The following HTR2A variants were observed in gnomAD, a reference collection of about 807,000 sequenced individuals.
HTR2A encodes the protein 5-hydroxytryptamine receptor 2A.
In HTR2A, 14 loss-of-function variants were observed where a neutral mutation model predicts 31.0. That is an observed-to-expected ratio of 0.45 (90% CI 0.30 to 0.71). The LOEUF (loss-of-function observed/expected upper bound fraction) is 0.71, where lower values mean the gene tolerates loss of function less well. Ranked by LOEUF, HTR2A falls within the 30% of genes least tolerant of loss-of-function variation. The pLI, the probability that HTR2A is intolerant of heterozygous loss-of-function variation, is 0.09. For synonymous variants in HTR2A, 209 were observed against 225.2 expected, an observed-to-expected ratio of 0.93 and a Z score of 0.64; for missense variants, 442 against 573.3, an observed-to-expected ratio of 0.77 and a Z score of 2.34.
At position 46,896,663 on chromosome 13, in the gene HTR2A, T is replaced by C; in HGVS notation, c.-329+11A>G. 6.6e-7 allele frequency: 1 copy of C among 1,507,406 alleles called. No individual in the cohort carries two copies. Among genetic ancestry groups the C allele is most frequent in the Non-Finnish European group, 8.9e-7 (1 of 1,128,386 alleles). The allele number at this position is 1,507,406 out of a possible 1,614,324, so 93.4% of individuals were successfully genotyped here. A position where few individuals can be genotyped will look rare whatever the true frequency, so the allele number is the denominator to read the frequency against. On this transcript the variant is annotated intron_variant, in intron 1 of 3. Coordinates refer to ENST00000542664, the MANE Select transcript of HTR2A (RefSeq NM_000621.5). Reference sequence around the variant, plus strand: ...TACACAGCAATAAAATATAGCGGCATGAGAACTTACATTTGTCTTCAGGGT... The same window carrying C: ...TACACAGCAATAAAATATAGCGGCACGAGAACTTACATTTGTCTTCAGGGT...
At chr13:46,861,072 C>G (rs1318906330) in intron 3 of HTR2A, among the ~76,000 whole-genome samples, 1 of 152,086 alleles carries the variant, frequency 6.6e-6, no homozygotes, top group Non-Finnish European at 1.5e-5. Context: ...GGAAAGCTGA[C>G]TAAGTGGGAA....
chr13:46,863,259 C>T (rs2138216576), intron 3 of HTR2A, among the ~76,000 whole-genome samples: 1 of 152,174 alleles, frequency 6.6e-6, no homozygotes, highest in South Asian at 2.1e-4. Flanking sequence ...AGTTTGATAG[C>T]TCTGATGCTT....
At chr13:46,842,362 A>T (rs1344030515) in intron 3 of HTR2A, among the ~76,000 whole-genome samples, 1 of 152,172 alleles carries the variant, frequency 6.6e-6, no homozygotes, top group Non-Finnish European at 1.5e-5. Flanking sequence ...AAGGGGGCAG[A>T]TTTTGGAGTG....
chr13:46,852,283 T>C (rs1158523553), intron 3 of HTR2A: 1 of 152,306 alleles, frequency 6.6e-6, no homozygotes, highest in Non-Finnish European at 1.5e-5. Flanking sequence ...TTTCAGTTTG[T>C]AGTCATTGCT....
chr13:46,895,385 G>T lies in HTR2A; in HGVS notation c.412+110C>A. 1 of 925,568 alleles carries T rather than the reference G, an allele frequency of 1.1e-6. No homozygotes were observed. The highest frequency in any genetic ancestry group is 2.6e-5 in the East Asian group (1 of 38,086). 57.3% of individuals were successfully genotyped at this position (925,568 alleles called of 1,614,324 possible). A position where few individuals can be genotyped will look rare whatever the true frequency, so the allele number is the denominator to read the frequency against. On this transcript the variant is annotated intron_variant, in intron 2 of 3. Transcript: ENST00000542664. The surrounding 1 kb of genome is among the most constrained non-coding windows in gnomAD (Gnocchi z 4.4). ...TAGTAGGCTCTAGTCTATAAACAAA[G>T]ACTTCTATTTATAGTTTGTTTGCCC... is the stretch of plus-strand genomic sequence containing the variant.
chr13:46,854,760 A>G (rs1950719072), intron 3 of HTR2A, among the ~76,000 whole-genome samples: 1 of 152,240 alleles, frequency 6.6e-6, no homozygotes, highest in Admixed American at 6.5e-5. Context: ...AAACAGCAAC[A>G]GAATAATGCC....
chr13:46,876,300 T>A (rs2770302), intron 3 of HTR2A, among the ~76,000 whole-genome samples: 120,921 of 151,158 alleles, frequency 0.8, 48,782 homozygotes, highest in African/African-American at 0.91. Flanking sequence ...CTGCATTTTT[T>A]TTATAATGGC....
At chr13:46,868,447 G>T (rs867199248) in intron 3 of HTR2A, among the ~76,000 whole-genome samples, 1 of 152,162 alleles carries the variant, frequency 6.6e-6, no homozygotes, top group Admixed American at 6.5e-5. Flanking sequence ...TCATTCATAC[G>T]ACCAAAAGAA....
intron 3 of HTR2A, among the ~76,000 whole-genome samples, chr13:46,888,504 C>A (rs1289057456): frequency 6.7e-6 from 1 of 149,364 alleles, no homozygotes; most frequent in Non-Finnish European, 1.5e-5. Flanking sequence ...ACCTAGAATT[C>A]TATACTGAAC....
At chr13:46,848,330 A>G (rs58389280) in intron 3 of HTR2A, among the ~76,000 whole-genome samples, 7,324 of 152,260 alleles carry the variant, frequency 0.048, 600 homozygotes, top group African/African-American at 0.16. Flanking sequence ...AAGCAGCTTT[A>G]ATCAAGAAGT....
At chr13:46,839,566 A>G (rs1950583505) in intron 3 of HTR2A, among the ~76,000 whole-genome samples, 1 of 152,222 alleles carries the variant, frequency 6.6e-6, no homozygotes, top group Non-Finnish European at 1.5e-5. Context: ...AAATTTCTGC[A>G]TATAAAGCAT....
chr13:46,877,625 A>G (rs1950925694), intron 3 of HTR2A, among the ~76,000 whole-genome samples: 1 of 152,174 alleles, frequency 6.6e-6, no homozygotes, highest in Non-Finnish European at 1.5e-5. Flanking sequence ...TTTGTACTCA[A>G]GATGAAGTAC....
intron 3 of HTR2A, among the ~76,000 whole-genome samples, chr13:46,886,824 AGTTAG>A: frequency 6.6e-6 from 1 of 152,310 alleles, no homozygotes; most frequent in Non-Finnish European, 1.5e-5. Flanking sequence ...AGCTAAAGAG[AGTTAG>A]CAGTAGTCTT....
chr13:46,843,882 T>C (rs1317298766), intron 3 of HTR2A, among the ~76,000 whole-genome samples: 1 of 152,166 alleles, frequency 6.6e-6, no homozygotes, highest in Non-Finnish European at 1.5e-5. Flanking sequence ...TATTGTACTT[T>C]AACTGTACAA....
chr13:46,841,544 T>C (rs1159806346), intron 3 of HTR2A, among the ~76,000 whole-genome samples: 1 of 152,076 alleles, frequency 6.6e-6, no homozygotes, highest in African/African-American at 2.4e-5. Context: ...CTGATGTTAG[T>C]ACTTTAAAAA....
At chr13:46,861,075 A>C (rs1216453921) in intron 3 of HTR2A, among the ~76,000 whole-genome samples, 2 of 152,230 alleles carry the variant, frequency 1.3e-5, no homozygotes, top group Non-Finnish European at 2.9e-5. Flanking sequence ...AAGCTGACTA[A>C]GTGGGAAAAT....
intron 3 of HTR2A, chr13:46,854,124 C>T (rs1950712954): frequency 6.6e-6 from 1 of 152,196 alleles, no homozygotes; most frequent in Non-Finnish European, 1.5e-5. Flanking sequence ...GGGGGACCAG[C>T]ACAGTGGACT....
rs576601168 is a variant in HTR2A, at chr13:46,884,603, G to A, written c.613+7787C>T. On this transcript the variant is annotated intron_variant, in intron 3 of 3. Transcript: ENST00000542664. ...GGCGTGAACCTGGGAGGCGGAGCTCGCAGTGAGCCATGATTGCACCACTGC... is the reference window on the plus strand; with the variant it reads ...GGCGTGAACCTGGGAGGCGGAGCTCACAGTGAGCCATGATTGCACCACTGC... 7.7e-4 allele frequency among the ~76,000 whole-genome samples: 117 copies of A among 152,250 alleles called. 2 individuals carry two copies. The highest frequency in any genetic ancestry group is 3.9e-3 in the Admixed American group (60 of 15,296).
intron 3 of HTR2A, among the ~76,000 whole-genome samples, chr13:46,857,350 A>T (rs1950746190): frequency 6.6e-6 from 1 of 151,912 alleles, no homozygotes. Flanking sequence ...GGAATGTCCA[A>T]GATGAAAGCA....
Sources: gnomAD v4.1 joint callset for allele counts (sites outside exome capture counted in the v4.1 genomes callset) on GRCh38, gnomAD v4.1.1 for gene constraint, Gnocchi (gnomAD v3.1) non-coding constraint, MANE v1.5 for transcripts, NCBI Gene and HGNC (gene_info 2026-07-23, HGNC 2026-07-21) for gene names.